Variants in FYCO1 observed in about 807,000 individuals in gnomAD.
FYCO1 encodes FYVE and coiled-coil domain autophagy adaptor 1.
Under a neutral mutation model 165.1 loss-of-function variants are expected in FYCO1, and 122 were observed. The ratio of observed to expected loss-of-function variants is 0.74; its 90% CI spans 0.64 to 0.86. The LOEUF is 0.86. Ranked by LOEUF, FYCO1 falls within the 40% of genes least tolerant of loss-of-function variation. The pLI, the probability that FYCO1 is intolerant of heterozygous loss-of-function variation, is 0.00. For synonymous variants in FYCO1, 648 were observed against 742.5 expected (o/e 0.87, Z 2.07); for missense variants, 1,702 against 1,810.3 (o/e 0.94, Z 1.09).
In FYCO1 at chr3:45,968,809, C is replaced by A; in HGVS notation, c.631-106G>T. ...AGCAGAGGTAAAAATACAGGCATTA[C>A]CTGCCCTAAGGTTAGTCTAAAGAAC... On this transcript the variant is annotated intron_variant, in intron 7 of 17. Transcript: ENST00000296137. The A allele has an allele frequency of 4.5e-6, 6 of 1,321,314 alleles. No individual in the cohort carries two copies. The Admixed American group carries it at 9.1e-5, about 20-fold the overall frequency. The allele number at this position is 1,321,314 out of a possible 1,614,324, so 81.8% of individuals were successfully genotyped here.
At position 45,920,790 on chromosome 3, in the gene FYCO1, AAAGTGGTTCT is replaced by A. The variant is rs1172585918; in HGVS notation, c.*965_*974del. Reference sequence around the variant, plus strand: ...TTTGTTAAGAAGGCCCCAATGTTTGAAAGTGGTTCTAATCCTGGCTATGATCATTAGTAAA... The same window carrying A: ...TTTGTTAAGAAGGCCCCAATGTTTGAAATCCTGGCTATGATCATTAGTAAA... On this transcript the variant is annotated 3_prime_UTR_variant, in exon 18 of 18. Coordinates refer to ENST00000296137, the MANE Select transcript of FYCO1 (RefSeq NM_024513.4). 1.3e-5 allele frequency: 2 copies of A among 152,582 alleles called. No individual in the cohort carries two copies. The highest frequency in any genetic ancestry group is 4.8e-5 in the African/African-American group (2 of 41,424). The allele number at this position is 152,582 out of a possible 1,614,324, so 9.5% of individuals were successfully genotyped here. A position where few individuals can be genotyped will look rare whatever the true frequency, so the allele number is the denominator to read the frequency against.
At chr3:45,944,043 C>A (rs886140478) in intron 14 of FYCO1, among the ~76,000 whole-genome samples, 1 of 152,058 alleles carries the variant, frequency 6.6e-6, no homozygotes, top group Admixed American at 6.6e-5. Context: ...AAAATGTGAT[C>A]ATTTTTTCCA....
Position 45,969,681 on chromosome 3 carries a change from G to T in FYCO1, c.624C>A (p.Tyr208Ter), listed in dbSNP as rs1315432805. The part of the protein sequence containing the change: ...SSSMSSLVSS[Y>*]LQTQEMVSNF... ...CCAGCCTTCCTGGCCTTACCTGCAGGTAGCTGCTCACCAAGCTGCTCATGC... is the reference window on the plus strand; with the variant it reads ...CCAGCCTTCCTGGCCTTACCTGCAGTTAGCTGCTCACCAAGCTGCTCATGC... Residue 208 changes from tyrosine to a stop codon, truncating the protein, a stop_gained, in exon 7 of 18, where the codon TAC becomes TAA. Coordinates refer to ENST00000296137, the MANE Select transcript of FYCO1 (RefSeq NM_024513.4). LOFTEE classifies it high-confidence loss of function. 1 of 1,613,532 alleles carries T rather than the reference G, an allele frequency of 6.2e-7. No individual in the cohort carries two copies.
rs375123969 is a variant in FYCO1, at chr3:45,920,831, C to T, written c.*934G>A. ...TGGCTATGATCATTAGTAAACATGTCTGCAGGTGGGGCAGAAGCTCTTATT... is the reference window on the plus strand; with the variant it reads ...TGGCTATGATCATTAGTAAACATGTTTGCAGGTGGGGCAGAAGCTCTTATT... On this transcript the variant is annotated 3_prime_UTR_variant, in exon 18 of 18. Transcript: ENST00000296137. The T allele has an allele frequency of 3.3e-5, 5 of 152,624 alleles. No homozygotes were observed. In the East Asian group the frequency reaches 9.6e-4, roughly 29 times the overall value. 9.5% of individuals were successfully genotyped at this position (152,624 alleles called of 1,614,324 possible). A position where few individuals can be genotyped will look rare whatever the true frequency, so the allele number is the denominator to read the frequency against.
chr3:45,943,311 T>C (rs927046041), intron 14 of FYCO1, among the ~76,000 whole-genome samples: 10 of 152,084 alleles, frequency 6.6e-5, no homozygotes, highest in African/African-American at 2.4e-4. Flanking sequence ...GAAGGGAGTG[T>C]GGGGTATCAG....
At chr3:45,955,453 G>C in intron 13 of FYCO1, 60 bp from the exon 14 acceptor site, 1 of 1,597,218 alleles carries the variant, frequency 6.3e-7, no homozygotes, top group Non-Finnish European at 8.6e-7. Flanking sequence ...GCATAGGCTG[G>C]GTAAGGGCCC....
At chr3:45,975,586 C>T (rs573162315) in intron 4 of FYCO1, among the ~76,000 whole-genome samples, 24 of 152,358 alleles carry the variant, frequency 1.6e-4, no homozygotes, top group African/African-American at 5.8e-4. Context: ...CTCCAGCAAA[C>T]ATATCATGGA....
chr3:45,990,625 A>G (rs1248375315), intron 1 of FYCO1, among the ~76,000 whole-genome samples: 3 of 152,224 alleles, frequency 2.0e-5, no homozygotes, highest in African/African-American at 7.2e-5. Context: ...GTTCTGGCAC[A>G]TGGAGAGCCC....
chr3:45,950,860 C>T (rs1289694735), intron 14 of FYCO1, among the ~76,000 whole-genome samples: 1 of 152,194 alleles, frequency 6.6e-6, no homozygotes, highest in Admixed American at 6.5e-5. Flanking sequence ...GATCTTGGGT[C>T]AACCCACGCG....
chr3:45,964,286 A>T lies in FYCO1; in HGVS notation c.3269+50T>A. On this transcript the variant is annotated intron_variant, in intron 10 of 17. Transcript: ENST00000296137. The surrounding 1 kb of genome is among the most constrained non-coding windows in gnomAD (Gnocchi z 4.1). ...GACTTTCTAAATGACGAGACCAAAC[A>T]CTCCTTCCCTGAAGACTACCGACAG... The T allele has an allele frequency of 7.3e-7, 1 of 1,376,952 alleles. No homozygotes were observed. The highest frequency in any genetic ancestry group is 2.3e-5 in the East Asian group (1 of 43,692). The allele number at this position is 1,376,952 out of a possible 1,614,324, so 85.3% of individuals were successfully genotyped here.
intron 14 of FYCO1, among the ~76,000 whole-genome samples, chr3:45,941,617 T>C (rs901760787): frequency 2.6e-5 from 4 of 152,224 alleles, no homozygotes; most frequent in Admixed American, 6.5e-5. Context: ...TTTTGTACTA[T>C]AGAGAAGTTT....
intron 1 of FYCO1, among the ~76,000 whole-genome samples, chr3:45,988,503 C>A (rs1037516086): frequency 6.6e-6 from 1 of 152,184 alleles, no homozygotes; most frequent in South Asian, 2.1e-4. Flanking sequence ...CATACTACCA[C>A]GGCTGCCCCA....
intron 14 of FYCO1, among the ~76,000 whole-genome samples, chr3:45,954,171 C>T (rs1033202852): frequency 6.6e-6 from 1 of 152,206 alleles, no homozygotes; most frequent in Non-Finnish European, 1.5e-5. Flanking sequence ...TTGAATGCAG[C>T]CCAACACAAA....
intron 14 of FYCO1, chr3:45,941,053 C>CT (rs538274290): frequency 4.6e-4 from 70 of 152,312 alleles, no homozygotes; most frequent in African/African-American, 1.6e-3. Context: ...TCAGCTCATC[C>CT]TGGTGACTTG....
At chr3:45,944,410 G>A (rs1467343630) in intron 14 of FYCO1, among the ~76,000 whole-genome samples, 1 of 151,986 alleles carries the variant, frequency 6.6e-6, no homozygotes, top group African/African-American at 2.4e-5. Context: ...TAACTGTATT[G>A]CATTTTCCAA....
chr3:45,932,353 C>T (rs756974805), intron 15 of FYCO1, among the ~76,000 whole-genome samples: 19 of 152,242 alleles, frequency 1.2e-4, no homozygotes, highest in Admixed American at 5.9e-4. Flanking sequence ...AGGTGGCGGC[C>T]ATCATAGGCC....
Position 45,931,258 on chromosome 3 carries a change from T to C in FYCO1, c.4064A>G (p.Asp1355Gly), listed in dbSNP as rs369961423. Residue 1355 changes from aspartate to glycine, a missense_variant, in exon 16 of 18, where the codon GAT becomes GGT. Transcript: ENST00000296137. The stretch of plus-strand genomic sequence containing the variant: ...ACCCTCCCCGAAGCTGGCGATCTCA[T>C]CCACTGTGAGGGGTACTTTGATCCT... Reference protein sequence around the residue: ...ELMIKVPLTVDEIASFGEGSR... With the variant: ...ELMIKVPLTVGEIASFGEGSR... 1.2e-6 allele frequency: 2 copies of C among 1,613,700 alleles called. No individual in the cohort carries two copies. Among genetic ancestry groups the C allele is most frequent in the Admixed American group, 1.7e-5 (1 of 59,996 alleles).
At chr3:45,928,500 G>C (rs12638598) in intron 16 of FYCO1, among the ~76,000 whole-genome samples, 2 of 152,026 alleles carry the variant, frequency 1.3e-5, no homozygotes, top group Admixed American at 6.5e-5. Flanking sequence ...TCTCAGTGTC[G>C]AGTCTATGAC....
chr3:45,967,428 C>T lies in FYCO1; in HGVS notation c.1906G>A (p.Glu636Lys). The T allele has an allele frequency of 1.2e-6, 2 of 1,613,400 alleles. No homozygotes were observed. The highest frequency in any genetic ancestry group is 2.2e-5 in the East Asian group (1 of 44,842). ...QNVVGRNQLL[E>K]GKLQALQADY... The stretch of plus-strand genomic sequence containing the variant: ...GCCTGCAGGGCTTGCAGCTTGCCCT[C>T]CAGGAGCTGGTTACGCCCGACCACA... The change falls in exon 8 of 18, where the codon GAG becomes AAG. Residue 636 changes from glutamate to lysine, a missense_variant. Transcript: ENST00000296137.
Sources: allele counts gnomAD v4.1 joint callset (sites outside exome capture counted in the v4.1 genomes callset), GRCh38; gene constraint gnomAD v4.1.1; non-coding constraint Gnocchi (gnomAD v3.1); transcripts MANE v1.5; gene names NCBI Gene and HGNC (gene_info 2026-07-23, HGNC 2026-07-21).